The following AIFM3 variants were observed in gnomAD, a reference collection of about 807,000 sequenced individuals.
The protein encoded by AIFM3 is apoptosis-inducing factor 3.
AIFM3 carries 71 observed loss-of-function variants against 82.7 expected under a neutral mutation model. The ratio of observed to expected loss-of-function variants is 0.86; its 90% CI spans 0.71 to 1.05. AIFM3 has a LOEUF of 1.05. Among genes scored for constraint, AIFM3 ranks in the 50% least tolerant of loss-of-function variants. The pLI is 0.00. For synonymous variants in AIFM3, 337 were observed against 329.1 expected, an observed-to-expected ratio of 1.02 and a Z score of -0.26; for missense variants, 748 against 816.7, an observed-to-expected ratio of 0.92 and a Z score of 1.03.
intron 10 of AIFM3, 27 bp from the exon 11 acceptor site, chr22:20,976,381 G>A (rs1923661376): frequency 1.2e-6 from 2 of 1,613,612 alleles, no homozygotes; most frequent in Non-Finnish European, 8.5e-7. Context: ...CTGCCAGGAG[G>A]CCCTCACTGA....
At chr22:20,976,077 G>A (rs926727060) in intron 9 of AIFM3, 138 bp from the exon 10 acceptor site, 9 of 951,852 alleles carry the variant, frequency 9.5e-6, no homozygotes, top group South Asian at 1.5e-5. Flanking sequence ...AAAGAATGAA[G>A]CCCAGGTGGC....
intron 17 of AIFM3, 125 bp downstream of exon 17, chr22:20,979,494 C>A (rs1035760135): frequency 2.9e-5 from 43 of 1,476,670 alleles, no homozygotes; most frequent in Non-Finnish European, 3.9e-5. Flanking sequence ...GGTAAGAACT[C>A]GCTGGCGGCA....
rs1923773232 is a variant in AIFM3, at chr22:20,977,625, C to A, written c.1283-75C>A. 7 of 1,577,466 alleles carry A rather than the reference C, an allele frequency of 4.4e-6. No homozygotes were observed. The South Asian group carries it at 7.8e-5, about 17-fold the overall frequency. On this transcript the variant is annotated intron_variant, in intron 14 of 20. Transcript: ENST00000440238. Reference sequence around the variant, plus strand: ...CAGTCTGGGGCTGGCACATCAAGCGCATGCTGTAGGGTGTGGAGAGTGACT... The same window carrying A: ...CAGTCTGGGGCTGGCACATCAAGCGAATGCTGTAGGGTGTGGAGAGTGACT...
chr22:20,973,942 G>A, intron 4 of AIFM3, 75 bp downstream of exon 4: 1 of 1,471,654 alleles, frequency 6.8e-7, no homozygotes. Flanking sequence ...CAGACCCCAG[G>A]ATCTTCATCT....
intron 14 of AIFM3, 177 bp from the exon 15 acceptor site, chr22:20,977,523 A>T: frequency 1.4e-6 from 1 of 690,650 alleles, no homozygotes; most frequent in Non-Finnish European, 2.5e-6. Flanking sequence ...GTCTTGCGGG[A>T]GGCACCGGGT....
rs778331266 is a variant in AIFM3 at position 20,973,510 on chromosome 22, G to A, written c.235G>A (p.Glu79Lys). Reference protein sequence around the residue: ...EAAVCHVKDLENGQMREVELG... With the variant: ...EAAVCHVKDLKNGQMREVELG... ...TGCTGTCTGCCACGTCAAGGACCTC[G>A]AGAATGGCCAGTGGGTTCTGGGCTT... The change falls in exon 3 of 21, where the codon GAG (glutamate) becomes AAG (lysine). Residue 79 changes from glutamate to lysine, a missense_variant. Physicochemically the swap from Glu to Lys is moderately conservative, Grantham distance 56. Transcript: ENST00000440238. 3 of 1,611,886 alleles carry A rather than the reference G, an allele frequency of 1.9e-6. No homozygotes were observed. The highest frequency in any genetic ancestry group is 2.5e-6 in the Non-Finnish European group (3 of 1,179,678).
At position 20,976,939 on chromosome 22, in the gene AIFM3, G is replaced by A. The variant is rs745971943; in HGVS notation, c.1218+1G>A. On this transcript the variant is annotated splice_donor_variant, in intron 13 of 20. Transcript: ENST00000440238. LOFTEE classifies it high-confidence loss of function. ...TGAGCTGCGGGGCCAGGAGGGAAAG[G>A]TGGGCCCTTCTCCCTTCTCCCTGCT... The A allele has an allele frequency of 2.5e-6, 4 of 1,612,312 alleles. No individual in the cohort carries two copies. The highest frequency in any genetic ancestry group is 4.5e-5 in the East Asian group (2 of 44,818).
chr22:20,976,160 G>A (rs1027393802), intron 9 of AIFM3, 55 bp from the exon 10 acceptor site: 6 of 1,396,134 alleles, frequency 4.3e-6, no homozygotes, highest in Middle Eastern at 3.6e-4. Flanking sequence ...CGGGGAGTGG[G>A]CGGCGAGGCC....
At chr22:20,967,997 C>T (rs1457881533) in intron 2 of AIFM3, 22 bp downstream of exon 2, 2 of 1,612,562 alleles carry the variant, frequency 1.2e-6, no homozygotes, top group Non-Finnish European at 1.7e-6. Flanking sequence ...CTTCTTGTCT[C>T]CATCCTTTCT....
At chr22:20,980,664 A>C in intron 19 of AIFM3, 83 bp from the exon 20 acceptor site, 1 of 1,590,818 alleles carries the variant, frequency 6.3e-7, no homozygotes, top group Non-Finnish European at 8.6e-7. Flanking sequence ...GGCTGGAAAC[A>C]ATGGAGGACC....
chr22:20,973,240 C>G lies in AIFM3; in HGVS notation c.32-67C>G, dbSNP rs752512016. The G allele has an allele frequency of 1.3e-5, 20 of 1,531,098 alleles. No individual in the cohort carries two copies. In the Admixed American group the frequency reaches 3.7e-4, roughly 29 times the overall value. 94.8% of individuals were successfully genotyped at this position (1,531,098 alleles called of 1,614,324 possible). A position where few individuals can be genotyped will look rare whatever the true frequency, so the allele number is the denominator to read the frequency against. Reference sequence around the variant, plus strand: ...GCACCCCGAGGAGCTGGCCTCTGCACCCAGCTTGAGGGATGGGGGAGGAAG... The same window carrying G: ...GCACCCCGAGGAGCTGGCCTCTGCAGCCAGCTTGAGGGATGGGGGAGGAAG... On this transcript the variant is annotated intron_variant, in intron 2 of 20. Transcript: ENST00000440238.
chr22:20,974,773 C>T lies in AIFM3; in HGVS notation c.677C>T (p.Thr226Met), dbSNP rs763938239. 1.6e-5 allele frequency: 26 copies of T among 1,613,346 alleles called. No individual in the cohort carries two copies. Among genetic ancestry groups the T allele is most frequent in the South Asian group, 1.3e-4 (12 of 91,064 alleles). Residue 226 changes from threonine (T) to methionine (M), a missense_variant, in exon 8 of 21, where the codon ACG becomes ATG. Thr to Met is a moderately conservative substitution (Grantham distance 81). Around this residue, in one of 5 missense-constraint regions of AIFM3, gnomAD observed 393 missense variants for 481.1 expected, o/e 0.82. Coordinates refer to ENST00000440238, the MANE Select transcript of AIFM3 (RefSeq NM_001386814.1). ...TTCTCCGACCGGATCGTCCTGTGCACGCTAGACCGGCACCTTCCCTACGAC... is the reference window on the plus strand; with the variant it reads ...TTCTCCGACCGGATCGTCCTGTGCATGCTAGACCGGCACCTTCCCTACGAC... The part of the protein sequence containing the change: ...EGFSDRIVLC[T>M]LDRHLPYDRP...
chr22:20,981,345 C>A lies in AIFM3; in HGVS notation c.*314C>A. ...TAAACATTACCGTAAAATTAAAACGCACAAATTTGCAGATCTGTATGACTC... is the reference window on the plus strand; with the variant it reads ...TAAACATTACCGTAAAATTAAAACGAACAAATTTGCAGATCTGTATGACTC... On this transcript the variant is annotated 3_prime_UTR_variant, in exon 21 of 21. Coordinates refer to ENST00000440238, the MANE Select transcript of AIFM3 (RefSeq NM_001386814.1). 1 of 388,540 alleles carries A rather than the reference C, an allele frequency of 2.6e-6. No homozygotes were observed. Among genetic ancestry groups the A allele is most frequent in the Non-Finnish European group, 4.9e-6 (1 of 204,714 alleles). The allele number at this position is 388,540 out of a possible 1,614,324, so 24.1% of individuals were successfully genotyped here. A position where few individuals can be genotyped will look rare whatever the true frequency, so the allele number is the denominator to read the frequency against.
In AIFM3 at chr22:20,977,229, C is replaced by T. The variant is rs913507508; in HGVS notation, c.1282+134C>T. On this transcript the variant is annotated intron_variant, in intron 14 of 20. Transcript: ENST00000440238. Reference sequence around the variant, plus strand: ...CATCTGTCAAATGGGAACCCCCAACCGCCCCCACTTTACGGAGCTGTTGGG... The same window carrying T: ...CATCTGTCAAATGGGAACCCCCAACTGCCCCCACTTTACGGAGCTGTTGGG... 5.3e-5 allele frequency: 67 copies of T among 1,255,266 alleles called. 1 individual carries two copies. The highest frequency in any genetic ancestry group is 3.0e-4 in the African/African-American group (20 of 67,446). 77.8% of individuals were successfully genotyped at this position (1,255,266 alleles called of 1,614,324 possible).
At chr22:20,980,901 C>T in intron 20 of AIFM3, 91 bp from the exon 21 acceptor site, 1 of 1,606,402 alleles carries the variant, frequency 6.2e-7, no homozygotes, top group Non-Finnish European at 8.5e-7. Context: ...GAACAGACCC[C>T]CTGCTGTCCT....
At chr22:20,977,866 G>A in intron 15 of AIFM3, 22 bp from the exon 16 acceptor site, 3 of 1,614,058 alleles carry the variant, frequency 1.9e-6, no homozygotes, top group Non-Finnish European at 2.5e-6. Flanking sequence ...CACCCATGGA[G>A]CTCTGGGCCC....
chr22:20,979,402 G>A (rs761299088), intron 17 of AIFM3, 33 bp downstream of exon 17: 2 of 1,538,674 alleles, frequency 1.3e-6, no homozygotes, highest in Non-Finnish European at 1.8e-6. Context: ...GGGCGGGGCC[G>A]AGGGCGTTTA....
Position 20,976,361 on chromosome 22 carries a change from G to A in AIFM3, c.900-47G>A, listed in dbSNP as rs745621478. On this transcript the variant is annotated intron_variant, in intron 10 of 20. Transcript: ENST00000440238. ...CACTAGGCAGGGCACTGGCCTGGAC[G>A]GGGCTGGGGCTGCCAGGAGGCCCTC... The A allele has an allele frequency of 1.4e-5, 23 of 1,613,618 alleles. No individual in the cohort carries two copies. The South Asian group carries it at 2.1e-4, about 15-fold the overall frequency.
Position 20,974,616 on chromosome 22 carries a change from G to C in AIFM3, c.602G>C (p.Gly201Ala). 6.2e-7 allele frequency: 1 copy of C among 1,613,690 alleles called. No individual in the cohort carries two copies. Among genetic ancestry groups the C allele is most frequent in the Non-Finnish European group, 8.5e-7 (1 of 1,179,870 alleles). The part of the protein sequence containing the change: ...YSSSTNVLIV[G>A]AGAAGLVCAE... The stretch of plus-strand genomic sequence containing the variant: ...AGTAGCACCAATGTGCTCATTGTGG[G>C]TGCAGGTTGGTAGTGGGGTCATGAG... Residue 201 changes from glycine (G) to alanine (A), a missense_variant, in exon 7 of 21, where the codon GGT (glycine) becomes GCT (alanine). Gly to Ala is a moderately conservative substitution (Grantham distance 60). Around this residue, in one of 5 missense-constraint regions of AIFM3, gnomAD observed 393 missense variants for 481.1 expected, o/e 0.82. Coordinates refer to ENST00000440238, the MANE Select transcript of AIFM3 (RefSeq NM_001386814.1).
Sources: allele counts gnomAD v4.1 joint callset, GRCh38; gene constraint gnomAD v4.1.1; regional missense constraint gnomAD v4.1.1; transcripts MANE v1.5; gene names NCBI Gene and HGNC (gene_info 2026-07-23, HGNC 2026-07-21).